Variants in TRPM2 observed in about 807,000 individuals in gnomAD.
TRPM2 encodes the protein estrogen-responsive element-associated gene 1 protein.
In TRPM2, 161 loss-of-function variants were observed where a neutral mutation model predicts 174.0. The observed-to-expected ratio is 0.93, with a 90% CI of 0.81 to 1.05. The LOEUF (loss-of-function observed/expected upper bound fraction) is 1.05. TRPM2 is among the 50% of genes least tolerant of loss of function. The pLI is 0.00. For synonymous variants in TRPM2, 954 were observed against 861.3 expected, an observed-to-expected ratio of 1.11 and a Z score of -1.88; for missense variants, 2,057 against 2,038.0, an observed-to-expected ratio of 1.01 and a Z score of -0.18.
intron 9 of TRPM2, among the ~76,000 whole-genome samples, chr21:44,385,521 C>T (rs1340053278): frequency 2.6e-5 from 4 of 152,180 alleles, no homozygotes; most frequent in Middle Eastern, 3.4e-3. Flanking sequence ...TTCAACATTG[C>T]GTTGGAAGTT....
chr21:44,396,497 G>T (rs1490461828), intron 12 of TRPM2, among the ~76,000 whole-genome samples: 1 of 38,630 alleles, frequency 2.6e-5, no homozygotes, highest in Non-Finnish European at 5.1e-5. Context: ...GAGGGATGTG[G>T]AGACTGTGGA....
chr21:44,372,163 T>C (rs894831884), intron 5 of TRPM2, among the ~76,000 whole-genome samples: 2 of 149,992 alleles, frequency 1.3e-5, no homozygotes, highest in Non-Finnish European at 3.0e-5. Flanking sequence ...CCCCTCCAAC[T>C]ACAAACCTGT....
chr21:44,415,243 C>G (rs1260864582), intron 20 of TRPM2: 1 of 14,298 alleles, frequency 7.0e-5, no homozygotes, highest in Non-Finnish European at 2.6e-4. Context: ...GAATAACAGC[C>G]CCAGGGAGGT....
chr21:44,400,401 G>T, intron 15 of TRPM2, 30 bp downstream of exon 15: 1 of 1,588,418 alleles, frequency 6.3e-7, no homozygotes, highest in East Asian at 2.2e-5. Context: ...CTGCGGGACT[G>T]TGGGGCTGCG....
At chr21:44,382,923 TATTCCTC>T in intron 9 of TRPM2, 103 bp downstream of exon 9, 1 of 1,228,526 alleles carries the variant, frequency 8.1e-7, no homozygotes, top group Non-Finnish European at 1.2e-6. Flanking sequence ...GGAACCAGAA[TATTCCTC>T]CTTGGTCAGA....
chr21:44,414,167 G>A, intron 20 of TRPM2, 93 bp downstream of exon 20: 1 of 1,476,868 alleles, frequency 6.8e-7, no homozygotes, highest in Non-Finnish European at 9.2e-7. Context: ...CTCGTGGACA[G>A]TGTGGATGAT....
chr21:44,403,704 T>A (rs1386948140), intron 16 of TRPM2, among the ~76,000 whole-genome samples: 1 of 147,738 alleles, frequency 6.8e-6, no homozygotes, highest in African/African-American at 2.5e-5. Context: ...CATATACACA[T>A]GCATACACAC....
chr21:44,369,374 A>G (rs190616359), intron 5 of TRPM2, 31 bp downstream of exon 5: 2 of 1,586,762 alleles, frequency 1.3e-6, no homozygotes, highest in Admixed American at 1.7e-5. Context: ...AGGGGAGCCT[A>G]AGACCAGGGG....
At position 44,375,372 on chromosome 21, in the gene TRPM2, C is replaced by T. The variant is rs545031694; in HGVS notation, c.772-461C>T. On this transcript the variant is annotated intron_variant, in intron 5 of 31. Transcript: ENST00000397928. ...TTGTTGCAGCAGCAGCCCACTTCCT[C>T]ACCCCAGACCTGTATCCGTTTCCTG... Among the ~76,000 whole-genome samples, 15 of 152,364 alleles carry T rather than the reference C, an allele frequency of 9.8e-5. No homozygotes were observed. The East Asian group carries it at 2.5e-3, about 25-fold the overall frequency.
chr21:44,407,506 G>C (rs1400108734), intron 19 of TRPM2, among the ~76,000 whole-genome samples: 1 of 133,322 alleles, frequency 7.5e-6, no homozygotes, highest in Non-Finnish European at 1.6e-5. Context: ...ATTTCACCTG[G>C]ATAAAGTGCA....
At chr21:44,429,278 CTTTTTTTTTTTT>C (rs35708355) in intron 27 of TRPM2, among the ~76,000 whole-genome samples, 2 of 44,194 alleles carry the variant, frequency 4.5e-5, no homozygotes, top group African/African-American at 8.6e-5. Context: ...TTTTCTTTTT[CTTTTTTTTTTTT>C]TTTTTTTTTT....
intron 20 of TRPM2, chr21:44,415,879 C>T (rs2050261765): frequency 6.6e-6 from 1 of 152,032 alleles, no homozygotes; most frequent in African/African-American, 2.4e-5. Flanking sequence ...TTCTGTTTTG[C>T]TCTTGCAGCT....
chr21:44,353,515 A>G, upstream of TRPM2: 1 of 769,786 alleles, frequency 1.3e-6, no homozygotes, highest in South Asian at 2.8e-5. Context: ...GATGAAGAGA[A>G]CCGGATGAGG....
chr21:44,435,302 C>T lies in TRPM2; in HGVS notation c.4061+85C>T, dbSNP rs2051202192. 5 of 1,470,122 alleles carry T rather than the reference C, an allele frequency of 3.4e-6. No homozygotes were observed. In the South Asian group the frequency reaches 4.8e-5, roughly 14 times the overall value. 91.1% of individuals were successfully genotyped at this position (1,470,122 alleles called of 1,614,324 possible). On this transcript the variant is annotated intron_variant, in intron 28 of 31. Transcript: ENST00000397928. Reference sequence around the variant, plus strand: ...GGGGCGGCTGCCATTGCCCAGTGCTCAGGGGCCGGGAGGGCGGCTTTGATG... The same window carrying T: ...GGGGCGGCTGCCATTGCCCAGTGCTTAGGGGCCGGGAGGGCGGCTTTGATG...
chr21:44,365,267 T>C (rs1296230186), intron 3 of TRPM2, among the ~76,000 whole-genome samples: 1 of 152,220 alleles, frequency 6.6e-6, no homozygotes, highest in Non-Finnish European at 1.5e-5. Context: ...GGTGCCACTG[T>C]CCTGGAGGTG....
At position 44,401,763 on chromosome 21, in the gene TRPM2, A is replaced by C; in HGVS notation, c.2404A>C (p.Asn802His). Residue 802 changes from asparagine to histidine, a missense_variant, in exon 16 of 32, where the codon AAC (asparagine) becomes CAC (histidine). Coordinates refer to ENST00000397928, the MANE Select transcript of TRPM2 (RefSeq NM_003307.4). The stretch of plus-strand genomic sequence containing the variant: ...CGCACCCGTGGTGGTCTTCCACCTG[A>C]ACATCCTCTCCTACTTCGCCTTCCT... ...FTAPVVVFHLNILSYFAFLCL... is the reference protein window; with the variant it reads ...FTAPVVVFHLHILSYFAFLCL... The C allele has an allele frequency of 1.2e-6, 2 of 1,613,624 alleles. No individual in the cohort carries two copies. The highest frequency in any genetic ancestry group is 1.7e-6 in the Non-Finnish European group (2 of 1,179,998).
chr21:44,415,724 A>G (rs2050257391), intron 20 of TRPM2: 2 of 152,146 alleles, frequency 1.3e-5, no homozygotes, highest in Admixed American at 1.3e-4. Flanking sequence ...CTTATCATAG[A>G]ACTTTTGGAA....
intron 5 of TRPM2, among the ~76,000 whole-genome samples, chr21:44,375,037 A>G (rs2048654139): frequency 6.6e-6 from 1 of 152,048 alleles, no homozygotes; most frequent in Non-Finnish European, 1.5e-5. Context: ...TCAGCCTCCC[A>G]AGTAGCTGGG....
intron 28 of TRPM2, 22 bp downstream of exon 28, chr21:44,435,239 A>C (rs1259127410): frequency 6.2e-7 from 1 of 1,607,076 alleles, no homozygotes; most frequent in African/African-American, 1.3e-5. Context: ...TGTGCCGGGC[A>C]CCAGCACCTC....
Sources: allele counts gnomAD v4.1 joint callset (sites outside exome capture counted in the v4.1 genomes callset), GRCh38; gene constraint gnomAD v4.1.1; transcripts MANE v1.5; gene names NCBI Gene and HGNC (gene_info 2026-07-23, HGNC 2026-07-21).